Variants in DEFB130B observed in about 807,000 individuals in gnomAD.
DEFB130B encodes the protein beta-defensin 130B.
At position 12,069,511 on chromosome 8, in the gene DEFB130B, G is replaced by C. The variant is rs974084224; in HGVS notation, c.58+2179C>G. On this transcript the variant is annotated intron_variant, in intron 1 of 1. Transcript: ENST00000437818. Reference sequence around the variant, plus strand: ...ACTTGCCTCCAAATTATACTATAAGGCCACAGTAACTAAAATGGCATGGGA... The same window carrying C: ...ACTTGCCTCCAAATTATACTATAAGCCCACAGTAACTAAAATGGCATGGGA... Among the ~76,000 whole-genome samples, 2 of 137,188 alleles carry C rather than the reference G, an allele frequency of 1.5e-5. 1 individual carries two copies. The highest frequency in any genetic ancestry group is 5.1e-5 in the African/African-American group (2 of 39,524). 90.0% of individuals were successfully genotyped at this position (137,188 alleles called of 152,430 possible). A position where few individuals can be genotyped will look rare whatever the true frequency, so the allele number is the denominator to read the frequency against.
chr8:12,066,923 T>C (rs1034718665), intron 1 of DEFB130B, among the ~76,000 whole-genome samples: 2 of 126,482 alleles, frequency 1.6e-5, no homozygotes, highest in African/African-American at 5.6e-5. Flanking sequence ...TCAGTAACTT[T>C]TAAGTTTTTT....
intron 1 of DEFB130B, among the ~76,000 whole-genome samples, chr8:12,068,734 TA>T (rs1801799289): frequency 1.4e-5 from 1 of 73,060 alleles, no homozygotes. Context: ...GAGAATTGCA[TA>T]AGCTCCTTCA....
chr8:12,065,125 C>A (rs1389491503), intron 1 of DEFB130B, among the ~76,000 whole-genome samples: 1 of 115,392 alleles, frequency 8.7e-6, no homozygotes. Flanking sequence ...GTAAGAAATA[C>A]CTTTCCTATG....
At chr8:12,067,118 A>T (rs1194335140) in intron 1 of DEFB130B, among the ~76,000 whole-genome samples, 1 of 14,366 alleles carries the variant, frequency 7.0e-5, no homozygotes, top group Admixed American at 8.8e-4. Flanking sequence ...GAAGAATGCT[A>T]TAATTTTCTT....
chr8:12,066,983 A>G (rs547482971), intron 1 of DEFB130B, among the ~76,000 whole-genome samples: 2 of 112,394 alleles, frequency 1.8e-5, no homozygotes, highest in East Asian at 4.2e-4. Flanking sequence ...TCTGCCTGGA[A>G]CTTTATCAAT....
intron 1 of DEFB130B, among the ~76,000 whole-genome samples, chr8:12,067,160 A>T (rs1224521162): frequency 1.5e-4 from 2 of 13,402 alleles, no homozygotes; most frequent in African/African-American, 4.8e-4. Flanking sequence ...GCAATCCAAG[A>T]TTTATGCCAT....
intron 1 of DEFB130B, among the ~76,000 whole-genome samples, chr8:12,067,011 G>GT (rs1224415715): frequency 2.2e-5 from 2 of 90,052 alleles, no homozygotes; most frequent in Non-Finnish European, 5.0e-5. Flanking sequence ...TAGAAGTGCA[G>GT]TTTCCTTTTC....
chr8:12,066,904 C>G lies in DEFB130B; in HGVS notation c.59-2334G>C, dbSNP rs532399307. On this transcript the variant is annotated intron_variant, in intron 1 of 1. Coordinates refer to ENST00000437818, the MANE Select transcript of DEFB130B (RefSeq NM_001195257.1). Reference sequence around the variant, plus strand: ...GGATATAACTTTCTTAGCATTAGAACTCATTGAGTCAGTAACTTTTAAGTT... The same window carrying G: ...GGATATAACTTTCTTAGCATTAGAAGTCATTGAGTCAGTAACTTTTAAGTT... Among the ~76,000 whole-genome samples the G allele has an allele frequency of 3.1e-4, 37 of 120,970 alleles. 1 individual carries two copies. Among genetic ancestry groups the G allele is most frequent in the African/African-American group, 1.0e-3 (35 of 34,636 alleles). The allele number at this position is 120,970 out of a possible 152,430, so 79.4% of individuals were successfully genotyped here.
intron 1 of DEFB130B, among the ~76,000 whole-genome samples, chr8:12,066,981 G>T (rs1369164933): frequency 2.7e-5 from 3 of 112,040 alleles, no homozygotes; most frequent in Admixed American, 8.7e-5. Context: ...GATCTGCCTG[G>T]AACTTTATCA....
intron 1 of DEFB130B, among the ~76,000 whole-genome samples, chr8:12,065,165 A>AGTGGATAG (rs1801751779): frequency 1.7e-5 from 1 of 58,208 alleles, no homozygotes; most frequent in African/African-American, 5.3e-5. Flanking sequence ...TAGATGGAGG[A>AGTGGATAG]ATGGATAGAT....
At chr8:12,065,133 A>G (rs1229899427) in intron 1 of DEFB130B, among the ~76,000 whole-genome samples, 1 of 109,244 alleles carries the variant, frequency 9.2e-6, no homozygotes, top group Non-Finnish European at 2.2e-5. Flanking sequence ...TACCTTTCCT[A>G]TGTTGCTCAA....
intron 1 of DEFB130B, among the ~76,000 whole-genome samples, chr8:12,066,857 C>T (rs1283602008): frequency 2.9e-5 from 3 of 104,130 alleles, no homozygotes; most frequent in South Asian, 3.4e-4. Flanking sequence ...CCCTTAATAG[C>T]GCATTCATCT....
At position 12,069,572 on chromosome 8, in the gene DEFB130B, G is replaced by A. The variant is rs1157331726; in HGVS notation, c.58+2118C>T. ...AGCAGACACATGAACCACTTGAACA[G>A]AATAGAGAACCCAGAAATAAAGCTG... On this transcript the variant is annotated intron_variant, in intron 1 of 1. Coordinates refer to ENST00000437818, the MANE Select transcript of DEFB130B (RefSeq NM_001195257.1). 1.5e-5 allele frequency among the ~76,000 whole-genome samples: 2 copies of A among 135,732 alleles called. 1 individual carries two copies. The highest frequency in any genetic ancestry group is 5.1e-5 in the African/African-American group (2 of 39,230). The allele number at this position is 135,732 out of a possible 152,430, so 89.0% of individuals were successfully genotyped here. A position where few individuals can be genotyped will look rare whatever the true frequency, so the allele number is the denominator to read the frequency against.
intron 1 of DEFB130B, among the ~76,000 whole-genome samples, chr8:12,067,223 C>T (rs1163700847): frequency 6.7e-4 from 5 of 7,494 alleles, no homozygotes; most frequent in Non-Finnish European, 1.1e-3. Context: ...TTTATGTGTA[C>T]ATATAAATCT....
chr8:12,066,578 TC>T (rs1245149431), intron 1 of DEFB130B, among the ~76,000 whole-genome samples: 1 of 129,150 alleles, frequency 7.7e-6, no homozygotes, highest in Non-Finnish European at 1.8e-5. Flanking sequence ...GAAGGAAATT[TC>T]TTCCCAGATA....
rs534433246 is a variant in DEFB130B at position 12,066,879 on chromosome 8, G to T, written c.59-2309C>A. 1.3e-3 allele frequency among the ~76,000 whole-genome samples: 152 copies of T among 114,078 alleles called. 16 individuals carry two copies. The highest frequency in any genetic ancestry group is 2.4e-3 in the Non-Finnish European group (119 of 49,886). The allele number at this position is 114,078 out of a possible 152,430, so 74.8% of individuals were successfully genotyped here. ...TAGCGCATTCATCTACTTTCTAAAA[G>T]GATATAACTTTCTTAGCATTAGAAC... On this transcript the variant is annotated intron_variant, in intron 1 of 1. Transcript: ENST00000437818.
chr8:12,066,901 G>C lies in DEFB130B; in HGVS notation c.59-2331C>G, dbSNP rs1201860986. ...AAAGGATATAACTTTCTTAGCATTAGAACTCATTGAGTCAGTAACTTTTAA... is the reference window on the plus strand; with the variant it reads ...AAAGGATATAACTTTCTTAGCATTACAACTCATTGAGTCAGTAACTTTTAA... On this transcript the variant is annotated intron_variant, in intron 1 of 1. Coordinates refer to ENST00000437818, the MANE Select transcript of DEFB130B (RefSeq NM_001195257.1). 5.6e-4 allele frequency among the ~76,000 whole-genome samples: 67 copies of C among 119,904 alleles called. 6 individuals carry two copies. Among genetic ancestry groups the C allele is most frequent in the African/African-American group, 1.8e-3 (63 of 34,354 alleles). 78.7% of individuals were successfully genotyped at this position (119,904 alleles called of 152,430 possible).
intron 1 of DEFB130B, among the ~76,000 whole-genome samples, chr8:12,065,168 G>GGATAGATAGATAGATA (rs1161076222): frequency 3.4e-5 from 1 of 29,484 alleles, no homozygotes; most frequent in African/African-American, 7.2e-5. Flanking sequence ...ATGGAGGAAT[G>GGATAGATAGATAGATA]GATAGATAGA....
chr8:12,066,968 C>G lies in DEFB130B; in HGVS notation c.59-2398G>C, dbSNP rs1585130759. ...GATGATGTAGAGGATTTAAATGGAA[C>G]AGGATCTGCCTGGAACTTTATCAAT... On this transcript the variant is annotated intron_variant, in intron 1 of 1. Transcript: ENST00000437818. Among the ~76,000 whole-genome samples the G allele has an allele frequency of 2.6e-5, 3 of 114,698 alleles. 1 individual carries two copies. The South Asian group carries it at 8.8e-4, about 34-fold the overall frequency. 75.2% of individuals were successfully genotyped at this position (114,698 alleles called of 152,430 possible). A position where few individuals can be genotyped will look rare whatever the true frequency, so the allele number is the denominator to read the frequency against.
Sources: allele counts gnomAD v4.1 joint callset (sites outside exome capture counted in the v4.1 genomes callset), GRCh38; gene constraint gnomAD v4.1.1; transcripts MANE v1.5; gene names NCBI Gene and HGNC (gene_info 2026-07-23, HGNC 2026-07-21).